NTRK2: variants seen among roughly 807,000 people sequenced by gnomAD.
NTRK2 encodes the protein BDNF/NT-3 growth factors receptor.
In NTRK2, 13 loss-of-function variants were observed where a neutral mutation model predicts 94.5. The ratio of observed to expected loss-of-function variants is 0.14; its 90% CI spans 0.09 to 0.22. The LOEUF (loss-of-function observed/expected upper bound fraction) is 0.22, where lower values mean the gene tolerates loss of function less well. Among genes scored for constraint, NTRK2 ranks in the 10% least tolerant of loss-of-function variants. The probability of loss-of-function intolerance (pLI) is 1.00; values close to 1 mark genes in which losing one functional copy is unlikely to be tolerated. For missense variants in NTRK2, 639 were observed against 1,071.2 expected, an observed-to-expected ratio of 0.60 and a Z score of 5.63; for synonymous variants, 372 against 407.4, an observed-to-expected ratio of 0.91 and a Z score of 1.05.
chr9:84,944,215 TCACACACACACACA>T (rs56021326), intron 15 of NTRK2, among the ~76,000 whole-genome samples: 14 of 120,316 alleles, frequency 1.2e-4, no homozygotes, highest in South Asian at 2.7e-4. Context: ...TCTCTCTCTC[TCACACACACACACA>T]CACACACACA....
chr9:84,894,113 T>C (rs1406598292), intron 14 of NTRK2, among the ~76,000 whole-genome samples: 1 of 90,120 alleles, frequency 1.1e-5, no homozygotes, highest in Non-Finnish European at 2.2e-5. Flanking sequence ...GGCAATTGCA[T>C]GCACTGGTGA....
chr9:84,808,735 A>G (rs1279307510), intron 12 of NTRK2, among the ~76,000 whole-genome samples: 3 of 152,232 alleles, frequency 2.0e-5, no homozygotes, highest in African/African-American at 4.8e-5. Flanking sequence ...GATTAAATCC[A>G]TAAATGATGT....
Position 84,706,964 on chromosome 9 carries a change from A to G in NTRK2, c.360-880A>G, listed in dbSNP as rs188534496. Among the ~76,000 whole-genome samples, 261 of 152,246 alleles carry G rather than the reference A, an allele frequency of 1.7e-3. 1 individual carries two copies. Among genetic ancestry groups the G allele is most frequent in the Non-Finnish European group, 2.6e-3 (175 of 68,002 alleles). ...TTATGAAAGTTGATGTTTATTTTAC[A>G]TTCATTTTATTTATTAAACACATCT... On this transcript the variant is annotated intron_variant, in intron 4 of 18. Coordinates refer to ENST00000277120, the MANE Select transcript of NTRK2 (RefSeq NM_006180.6).
intron 14 of NTRK2, chr9:84,872,942 C>G: frequency 2.8e-6 from 3 of 1,065,092 alleles, no homozygotes; most frequent in Non-Finnish European, 3.4e-6. Flanking sequence ...AGGGGAAAGG[C>G]TGGAGGTGAT....
intron 2 of NTRK2, among the ~76,000 whole-genome samples, chr9:84,681,507 G>C (rs535257043): frequency 1.3e-5 from 2 of 152,246 alleles, no homozygotes; most frequent in East Asian, 3.9e-4. Context: ...TAGGTACATG[G>C]GATATGGTGA....
chr9:84,840,497 A>G (rs576446891), intron 12 of NTRK2, among the ~76,000 whole-genome samples: 3 of 151,646 alleles, frequency 2.0e-5, no homozygotes, highest in South Asian at 2.1e-4. Flanking sequence ...CGCCCTCCCC[A>G]TGTGCACTGG....
In NTRK2 at chr9:84,930,534, G is replaced by A. The variant is rs118031589; in HGVS notation, c.1634-3628G>A. 4.2e-3 allele frequency among the ~76,000 whole-genome samples: 633 copies of A among 152,322 alleles called. 7 individuals carry two copies. The highest frequency in any genetic ancestry group is 7.3e-3 in the Non-Finnish European group (495 of 68,032). ...TAAGCCCTGAAGTACCAGGGGATGAGGGATAGAGATGGCGTCCAATTGAGA... is the reference window on the plus strand; with the variant it reads ...TAAGCCCTGAAGTACCAGGGGATGAAGGATAGAGATGGCGTCCAATTGAGA... On this transcript the variant is annotated intron_variant, in intron 14 of 18. Coordinates refer to ENST00000277120, the MANE Select transcript of NTRK2 (RefSeq NM_006180.6).
intron 12 of NTRK2, among the ~76,000 whole-genome samples, chr9:84,788,665 G>A (rs903556681): frequency 1.1e-4 from 17 of 152,042 alleles, no homozygotes; most frequent in African/African-American, 1.9e-4. Context: ...TGGGAACAGC[G>A]TCCTGGATGA....
At chr9:84,975,771 C>A (rs548532904) in intron 17 of NTRK2, among the ~76,000 whole-genome samples, 33 of 151,104 alleles carry the variant, frequency 2.2e-4, no homozygotes, top group Admixed American at 8.6e-4. Flanking sequence ...GATATTCACA[C>A]AAATTGTGTG....
At chr9:84,814,174 C>T in intron 12 of NTRK2, 2 of 1,065,512 alleles carry the variant, frequency 1.9e-6, no homozygotes, top group Non-Finnish European at 2.3e-6. Context: ...ACAATCCCAG[C>T]CCCACCCAGC....
intron 8 of NTRK2, among the ~76,000 whole-genome samples, chr9:84,726,655 A>G (rs2062482424): frequency 6.6e-6 from 1 of 152,224 alleles, no homozygotes; most frequent in South Asian, 2.1e-4. Context: ...GGGCCACTGT[A>G]TTAAACATCA....
At chr9:84,877,528 AC>A (rs34933697) in intron 14 of NTRK2, 102 of 1,066,232 alleles carry the variant, frequency 9.6e-5, no homozygotes, top group Non-Finnish European at 1.1e-4. Context: ...GTGGCCAAGG[AC>A]CCCCCTCCTA....
intron 2 of NTRK2, among the ~76,000 whole-genome samples, chr9:84,693,442 A>G (rs1402753133): frequency 6.6e-6 from 1 of 152,226 alleles, no homozygotes; most frequent in Non-Finnish European, 1.5e-5. Flanking sequence ...AAAGTGCTAT[A>G]TAAACACTCA....
intron 17 of NTRK2, among the ~76,000 whole-genome samples, chr9:84,988,884 T>G (rs1828697124): frequency 6.6e-6 from 1 of 152,236 alleles, no homozygotes; most frequent in Non-Finnish European, 1.5e-5. Context: ...GAGCTGAGGC[T>G]ACCAGGAGTG....
At chr9:84,745,678 A>C (rs1157690338) in intron 11 of NTRK2, among the ~76,000 whole-genome samples, 1 of 152,100 alleles carries the variant, frequency 6.6e-6, no homozygotes, top group Non-Finnish European at 1.5e-5. Context: ...GCCTGTGCAG[A>C]AGGGTTGGGA....
At chr9:84,869,609 A>C (rs978827125) in intron 14 of NTRK2, among the ~76,000 whole-genome samples, 2 of 151,892 alleles carry the variant, frequency 1.3e-5, no homozygotes, top group Non-Finnish European at 2.9e-5. Flanking sequence ...TTTGTTAAGT[A>C]GTGAGTATGA....
rs1564128887 is a variant in NTRK2, at chr9:84,723,705, A to T, written c.716A>T (p.His239Leu). ...YWDVGNLVSKHMNETSHTQGS... is the reference protein window; with the variant it reads ...YWDVGNLVSKLMNETSHTQGS... ...GATGTTGGTAACCTGGTTTCCAAACATATGGTAAGGCTTGTGTTTGGCTGT... is the reference window on the plus strand; with the variant it reads ...GATGTTGGTAACCTGGTTTCCAAACTTATGGTAAGGCTTGTGTTTGGCTGT... The change falls in exon 7 of 19, where the codon CAT (histidine) becomes CTT (leucine). Residue 239 changes from histidine to leucine, a missense_variant. This residue lies in a region of NTRK2 where 343 missense variants were observed against 571.5 expected (regional missense o/e 0.60). Transcript: ENST00000277120. The T allele has an allele frequency of 6.2e-7, 1 of 1,614,112 alleles. No homozygotes were observed. The highest frequency in any genetic ancestry group is 8.5e-7 in the Non-Finnish European group (1 of 1,179,944).
intron 14 of NTRK2, among the ~76,000 whole-genome samples, chr9:84,911,838 G>A (rs891505936): frequency 9.2e-5 from 14 of 152,012 alleles, no homozygotes; most frequent in Middle Eastern, 3.4e-3. Flanking sequence ...TCTTGTGGTA[G>A]GAACTTAGAT....
chr9:84,904,621 A>G (rs971313466), intron 14 of NTRK2, among the ~76,000 whole-genome samples: 6 of 152,324 alleles, frequency 3.9e-5, no homozygotes, highest in Admixed American at 6.5e-5. Context: ...CCTTCAAACA[A>G]CAGAATATTC....
Sources: gnomAD v4.1 joint callset for allele counts (sites outside exome capture counted in the v4.1 genomes callset) on GRCh38, gnomAD v4.1.1 for gene constraint, gnomAD v4.1.1 regional missense constraint, MANE v1.5 for transcripts, NCBI Gene and HGNC (gene_info 2026-07-23, HGNC 2026-07-21) for gene names.